Variants in MTSS2 observed in about 807,000 individuals in gnomAD.
MTSS2 encodes the protein protein MTSS 2.
MTSS2 carries 27 observed loss-of-function variants against 67.1 expected under a neutral mutation model. The ratio of observed to expected loss-of-function variants is 0.40; its 90% CI spans 0.30 to 0.55. The LOEUF (loss-of-function observed/expected upper bound fraction) is 0.55. Ranked by LOEUF, MTSS2 falls within the 20% of genes least tolerant of loss-of-function variation. The pLI, the probability that MTSS2 is intolerant of heterozygous loss-of-function variation, is 0.43. For missense variants in MTSS2, 1,171 were observed against 1,067.8 expected (o/e 1.10, Z -1.35); for synonymous variants, 624 against 468.6 (o/e 1.33, Z -4.28).
rs917066195 is a variant in MTSS2 at position 70,662,313 on chromosome 16, C to T, written c.*1364G>A. The T allele has an allele frequency of 6.6e-6, 1 of 152,372 alleles. No homozygotes were observed. The allele number at this position is 152,372 out of a possible 1,614,324, so 9.4% of individuals were successfully genotyped here. ...CTGACCTGCGGGGCCACCAGGACTCCCTCCGCTCGCCCTAGGCTCACGTGC... is the reference window on the plus strand; with the variant it reads ...CTGACCTGCGGGGCCACCAGGACTCTCTCCGCTCGCCCTAGGCTCACGTGC... On this transcript the variant is annotated 3_prime_UTR_variant, in exon 15 of 15. Coordinates refer to ENST00000338779, the MANE Select transcript of MTSS2 (RefSeq NM_138383.3).
chr16:70,679,075 G>C (rs1230259108), intron 7 of MTSS2, among the ~76,000 whole-genome samples: 2 of 152,112 alleles, frequency 1.3e-5, no homozygotes, highest in Non-Finnish European at 2.9e-5. Context: ...CCCCCATCCC[G>C]CCCTGGCCAA....
At chr16:70,664,531 G>A in intron 14 of MTSS2, 67 bp downstream of exon 14, 17 of 1,580,406 alleles carry the variant, frequency 1.1e-5, no homozygotes, top group Non-Finnish European at 1.5e-5. Flanking sequence ...AGAGGGGGAA[G>A]GACGGGGCCC....
chr16:70,668,327 T>G (rs553862161), intron 11 of MTSS2, among the ~76,000 whole-genome samples: 1 of 151,604 alleles, frequency 6.6e-6, no homozygotes, highest in South Asian at 2.1e-4. Context: ...GAGAATTGCT[T>G]AAGCCTGGGG....
chr16:70,665,036 C>T lies in MTSS2; in HGVS notation c.1189G>A (p.Asp397Asn), dbSNP rs1204750737. The T allele has an allele frequency of 1.9e-6, 3 of 1,597,170 alleles. No homozygotes were observed. Among genetic ancestry groups the T allele is most frequent in the Middle Eastern group, 3.4e-4 (2 of 5,854 alleles). ...PSGATLQRRK[D>N]RVELLRDTEP... ...GTGTCTCGCAGGAGCTCCACTCGGT[C>T]CTTCCTCCGCTGCAGAGTGGCGCCT... Residue 397 changes from aspartate to asparagine, a missense_variant, in exon 13 of 15, where the codon GAC becomes AAC. Around this residue, in one of 2 missense-constraint regions of MTSS2, gnomAD observed 924 missense variants for 756.0 expected, o/e 1.22. Coordinates refer to ENST00000338779, the MANE Select transcript of MTSS2 (RefSeq NM_138383.3).
Position 70,664,772 on chromosome 16 carries a change from G to A in MTSS2, c.1306-9C>T, listed in dbSNP as rs2052638013. On this transcript the variant is annotated splice_polypyrimidine_tract_variant and intron_variant, in intron 13 of 14. Coordinates refer to ENST00000338779, the MANE Select transcript of MTSS2 (RefSeq NM_138383.3). ...GACACCTCCTCACCGTGCTGAGGGT[G>A]GGAAAGTGCAGGCTGAAGCCTTGCG... 1.2e-6 allele frequency: 2 copies of A among 1,605,922 alleles called. No homozygotes were observed. The highest frequency in any genetic ancestry group is 1.3e-5 in the African/African-American group (1 of 74,862).
Position 70,664,289 on chromosome 16 carries a change from G to A in MTSS2, c.1632C>T (p.Thr544=), listed in dbSNP as rs150211146. 453 of 1,565,120 alleles carry A rather than the reference G, an allele frequency of 2.9e-4. 4 individuals carry two copies. In the East Asian group the frequency reaches 9.2e-3, roughly 32 times the overall value. ...GGCCAGTGGCCGTGGGCAGCCCCGC[G>A]GTGGGCAGCCCAGCAGTGGAGGCTG... ...KRPASTAGLP[T]AGLPTATGLP... is the part of the protein sequence containing the mutation. Residue 544 remains threonine (T), a synonymous_variant, in exon 15 of 15, where the codon ACC becomes ACT. Transcript: ENST00000338779.
chr16:70,665,803 C>CA (rs2052694165), intron 11 of MTSS2: 2 of 353,434 alleles, frequency 5.7e-6, no homozygotes, highest in Admixed American at 8.7e-5. Flanking sequence ...CCACAGGACT[C>CA]ACTGCTGACG....
At chr16:70,680,128 G>T (rs1597825604) in intron 3 of MTSS2, 73 bp from the exon 4 acceptor site, 1 of 1,113,980 alleles carries the variant, frequency 9.0e-7, no homozygotes, top group Non-Finnish European at 1.1e-6. Context: ...CCAGGAGGGG[G>T]CGCCCCGGCC....
intron 10 of MTSS2, among the ~76,000 whole-genome samples, chr16:70,675,298 CT>C (rs765313843): frequency 6.6e-6 from 1 of 151,872 alleles, no homozygotes; most frequent in Non-Finnish European, 1.5e-5. Context: ...TGGTGCACAC[CT>C]GTATTCCCAG....
rs145311490 is a variant in MTSS2 at position 70,680,893 on chromosome 16, T to TG, written c.132-27dup. ...CTGGGGAGAGGGACAACGGCATGGA[T>TG]GGTCGGTGGTTGGGCGGGGGGGGGG... On this transcript the variant is annotated intron_variant, in intron 2 of 14. Coordinates refer to ENST00000338779, the MANE Select transcript of MTSS2 (RefSeq NM_138383.3). The TG allele has an allele frequency of 2.0e-3, 1,584 of 789,604 alleles. 14 individuals carry two copies. The African/African-American group carries it at 0.03, about 15-fold the overall frequency. 48.9% of individuals were successfully genotyped at this position (789,604 alleles called of 1,614,324 possible). A position where few individuals can be genotyped will look rare whatever the true frequency, so the allele number is the denominator to read the frequency against.
rs2053183800 is a variant in MTSS2, at chr16:70,678,246, T to A, written c.624+6A>T. The stretch of plus-strand genomic sequence containing the variant: ...CCTCTGGGGTCTGAGTCCCCAGGAG[T>A]CCCACCACCACAGGCTGCAGGAAGG... On this transcript the variant is annotated splice_donor_region_variant and intron_variant, in intron 8 of 14. Transcript: ENST00000338779. 5.0e-6 allele frequency: 8 copies of A among 1,602,712 alleles called. No homozygotes were observed. The highest frequency in any genetic ancestry group is 6.0e-6 in the Non-Finnish European group (7 of 1,175,144).
At chr16:70,680,703 C>A in intron 3 of MTSS2, 91 bp downstream of exon 3, 2 of 1,182,554 alleles carry the variant, frequency 1.7e-6, no homozygotes, top group Non-Finnish European at 1.2e-6. Flanking sequence ...CTTGGCGTCC[C>A]GTCCTTTCCC....
Position 70,665,065 on chromosome 16 carries a change from G to T in MTSS2, c.1160C>A (p.Pro387His), listed in dbSNP as rs1340867887. ...DWSKVGSHEQ[P>H]SGATLQRRKD... ...CCTCCGCTGCAGAGTGGCGCCTGAG[G>T]GCTGCTCATGGGAGCCGACCTTGGA... Residue 387 changes from proline (P) to histidine (H), a missense_variant, in exon 13 of 15, where the codon CCC becomes CAC. Pro to His is a moderately conservative substitution (Grantham distance 77). Transcript: ENST00000338779. 1 of 1,597,698 alleles carries T rather than the reference G, an allele frequency of 6.3e-7. No homozygotes were observed. The highest frequency in any genetic ancestry group is 1.7e-5 in the Admixed American group (1 of 59,924).
At position 70,674,356 on chromosome 16, in the gene MTSS2, C is replaced by A. The variant is rs532036017; in HGVS notation, c.1003G>T (p.Ala335Ser). 7 of 1,613,970 alleles carry A rather than the reference C, an allele frequency of 4.3e-6. No homozygotes were observed. Among genetic ancestry groups the A allele is most frequent in the African/African-American group, 1.3e-5 (1 of 74,940 alleles). ...SHDSGFVSQDATYSKPPSPMP... is the reference protein window; with the variant it reads ...SHDSGFVSQDSTYSKPPSPMP... ...GGCGAGGGGGGCTTGGAGTAGGTGG[C>A]GTCCTGGGAGACGAAGCCAGAGTCA... is the stretch of plus-strand genomic sequence containing the variant. Residue 335 changes from alanine (A) to serine (S), a missense_variant, in exon 11 of 15, where the codon GCC (alanine) becomes TCC (serine). By Grantham distance (99) the Ala-to-Ser change is moderately conservative (BLOSUM62 1). Around this residue, in one of 2 missense-constraint regions of MTSS2, gnomAD observed 924 missense variants for 756.0 expected, o/e 1.22. Transcript: ENST00000338779.
At chr16:70,685,701 G>A in intron 1 of MTSS2, 22 bp downstream of exon 1, 1 of 1,291,108 alleles carries the variant, frequency 7.7e-7, no homozygotes, top group East Asian at 4.4e-5. Flanking sequence ...CCGCGCGCCC[G>A]GCCCCGCCGC....
In MTSS2 at chr16:70,679,187, G is replaced by A. The variant is rs1597823340; in HGVS notation, c.466+128C>T. ...GGACTGTGCCCCAGGCCCCTCCCTC[G>A]TGGACCGACCGCCTTCCTCGCTTCT... On this transcript the variant is annotated intron_variant, in intron 7 of 14. Coordinates refer to ENST00000338779, the MANE Select transcript of MTSS2 (RefSeq NM_138383.3). 8 of 1,248,544 alleles carry A rather than the reference G, an allele frequency of 6.4e-6. No homozygotes were observed. The East Asian group carries it at 7.0e-5, about 11-fold the overall frequency. The allele number at this position is 1,248,544 out of a possible 1,614,324, so 77.3% of individuals were successfully genotyped here. A position where few individuals can be genotyped will look rare whatever the true frequency, so the allele number is the denominator to read the frequency against.
Position 70,664,692 on chromosome 16 carries a change from G to A in MTSS2, c.1377C>T (p.His459=), listed in dbSNP as rs368099351. The change falls in exon 14 of 15, where the codon CAC becomes CAT. Residue 459 remains histidine (H), a synonymous_variant. Coordinates refer to ENST00000338779, the MANE Select transcript of MTSS2 (RefSeq NM_138383.3). ...GCAGCGAGTCCCGGCTGCTCTTCTG[G>A]TGCTCCAGGCTCAGGCCCCGCGTCA... is the stretch of plus-strand genomic sequence containing the variant. ...MVLTRGLSLE[H]QKSSRDSLQY... is the part of the protein sequence containing the mutation. 4.3e-6 allele frequency: 7 copies of A among 1,613,206 alleles called. No individual in the cohort carries two copies. In the African/African-American group the frequency reaches 5.3e-5, roughly 12 times the overall value.
intron 12 of MTSS2, 121 bp downstream of exon 12, chr16:70,665,345 G>A (rs545624327): frequency 1.3e-5 from 14 of 1,100,362 alleles, no homozygotes; most frequent in Admixed American, 2.4e-5. Context: ...GGGGACAGGT[G>A]CTGTGTGCAC....
In MTSS2 at chr16:70,664,328, G is replaced by A. The variant is rs779882146; in HGVS notation, c.1593C>T (p.Ile531=). The A allele has an allele frequency of 5.6e-6, 9 of 1,597,562 alleles. No homozygotes were observed. The highest frequency in any genetic ancestry group is 7.7e-6 in the Non-Finnish European group (9 of 1,174,232). The change falls in exon 15 of 15, where the codon ATC becomes ATT. Residue 531 remains isoleucine (I), a synonymous_variant. Transcript: ENST00000338779. ...SNIAQNYRRL[I]QTKRPASTAG... ...CAGTGGAGGCTGGGCGCTTGGTCTG[G>A]ATCAGGCGGCGGTAGTTCTGGGCGA... is the stretch of plus-strand genomic sequence containing the variant.
Sources: allele counts gnomAD v4.1 joint callset (sites outside exome capture counted in the v4.1 genomes callset), GRCh38; gene constraint gnomAD v4.1.1; regional missense constraint gnomAD v4.1.1; transcripts MANE v1.5; gene names NCBI Gene and HGNC (gene_info 2026-07-23, HGNC 2026-07-21).